CLVS1: variants seen among roughly 807,000 people sequenced by gnomAD.
The protein encoded by CLVS1 is clavesin 1.
In CLVS1, 10 loss-of-function variants were observed where a neutral mutation model predicts 33.1. That is an observed-to-expected ratio of 0.30 (90% confidence interval 0.19 to 0.51). The LOEUF (loss-of-function observed/expected upper bound fraction) is 0.51. CLVS1 is among the 20% of genes least tolerant of loss of function. CLVS1 has a pLI of 0.97. For synonymous variants in CLVS1, 163 were observed against 166.1 expected, an observed-to-expected ratio of 0.98 and a Z score of 0.14; for missense variants, 343 against 433.4, an observed-to-expected ratio of 0.79 and a Z score of 1.85.
chr8:61,338,317 A>G (rs1267659943), intron 2 of CLVS1, among the ~76,000 whole-genome samples: 4 of 152,188 alleles, frequency 2.6e-5, no homozygotes, highest in African/African-American at 9.7e-5. Context: ...CGCATTTACC[A>G]TTTCAGATAT....
chr8:61,019,336 T>C, the CLVS1 span, among the ~76,000 whole-genome samples: 2 of 152,196 alleles, frequency 1.3e-5, no homozygotes, highest in Non-Finnish European at 2.9e-5. Flanking sequence ...CCTTTGGTAA[T>C]GTTTGTGATT....
intron 2 of CLVS1, among the ~76,000 whole-genome samples, chr8:61,344,217 C>T (rs1812121737): frequency 6.6e-6 from 1 of 152,112 alleles, no homozygotes; most frequent in Admixed American, 6.6e-5. Flanking sequence ...TTGACCAAAT[C>T]AGAGCTAATA....
intron 1 of CLVS1, among the ~76,000 whole-genome samples, chr8:61,105,745 G>A (rs1165359547): frequency 6.6e-6 from 1 of 151,456 alleles, no homozygotes; most frequent in Non-Finnish European, 1.5e-5. Flanking sequence ...ATCATGTTAG[G>A]GTAGGAGGTC....
At chr8:61,024,784 A>T in the CLVS1 span, among the ~76,000 whole-genome samples, 1 of 151,934 alleles carries the variant, frequency 6.6e-6, no homozygotes, top group Non-Finnish European at 1.5e-5. Flanking sequence ...AATTAAACTA[A>T]CTTCACTGAG....
intron 3 of CLVS1, among the ~76,000 whole-genome samples, chr8:61,435,990 T>C (rs754055673): frequency 1.3e-5 from 2 of 152,242 alleles, no homozygotes; most frequent in Non-Finnish European, 2.9e-5. Flanking sequence ...TAATATTTTA[T>C]GTGTATTTTA....
chr8:61,124,301 G>A (rs552167341), intron 1 of CLVS1, among the ~76,000 whole-genome samples: 2 of 152,256 alleles, frequency 1.3e-5, no homozygotes, highest in Admixed American at 6.5e-5. Flanking sequence ...AAAAAAATAA[G>A]CAAACTACTT....
At chr8:61,063,862 C>T (rs984167672) in intron 1 of CLVS1, among the ~76,000 whole-genome samples, 9 of 152,152 alleles carry the variant, frequency 5.9e-5, no homozygotes, top group African/African-American at 2.2e-4. Flanking sequence ...GAACTCTGTA[C>T]CCATTAACCA....
intron 5 of CLVS1, among the ~76,000 whole-genome samples, chr8:61,469,845 T>C (rs1817676293): frequency 6.6e-6 from 1 of 152,214 alleles, no homozygotes; most frequent in Non-Finnish European, 1.5e-5. Flanking sequence ...TAATGAATGA[T>C]CCGCAGTCTC....
chr8:61,482,471 G>A (rs923004684), intron 5 of CLVS1, among the ~76,000 whole-genome samples: 7 of 149,430 alleles, frequency 4.7e-5, no homozygotes, highest in Admixed American at 1.3e-4. Flanking sequence ...AAGATTAGAC[G>A]AATGGCTAAC....
chr8:61,205,309 C>T (rs879673996), intron 2 of CLVS1, among the ~76,000 whole-genome samples: 26 of 152,272 alleles, frequency 1.7e-4, no homozygotes, highest in African/African-American at 2.6e-4. Context: ...ACTCCCTATT[C>T]CCCTCTCCCC....
the CLVS1 span, among the ~76,000 whole-genome samples, chr8:60,985,617 A>G: frequency 1.3e-5 from 2 of 152,356 alleles, no homozygotes; most frequent in East Asian, 3.9e-4. Flanking sequence ...CCAAGAAAAG[A>G]AAATATTTAC....
At chr8:61,030,453 AG>A in the CLVS1 span, among the ~76,000 whole-genome samples, 986 of 152,338 alleles carry the variant, frequency 6.5e-3, 6 homozygotes, top group African/African-American at 0.021. Context: ...GTTTGGTTAT[AG>A]GGAAATAAAG....
chr8:61,420,557 G>A (rs572193781), intron 3 of CLVS1, among the ~76,000 whole-genome samples: 14 of 151,908 alleles, frequency 9.2e-5, no homozygotes, highest in South Asian at 2.1e-4. Flanking sequence ...AGCCGAGATC[G>A]CACCACTGCA....
chr8:61,385,911 G>A (rs1390208198), intron 3 of CLVS1, among the ~76,000 whole-genome samples: 1 of 152,172 alleles, frequency 6.6e-6, no homozygotes, highest in Non-Finnish European at 1.5e-5. Context: ...CCCAAAAGAT[G>A]CCAGGCAATG....
At chr8:61,255,765 T>A (rs1050561411) in intron 2 of CLVS1, among the ~76,000 whole-genome samples, 3 of 152,130 alleles carry the variant, frequency 2.0e-5, no homozygotes, top group African/African-American at 7.2e-5. Flanking sequence ...TGCCATAATT[T>A]AAAAAAACTC....
intron 3 of CLVS1, among the ~76,000 whole-genome samples, chr8:61,424,681 CTCTA>C (rs375477709): frequency 1.8e-4 from 28 of 152,280 alleles, no homozygotes; most frequent in African/African-American, 5.3e-4. Context: ...TACACAGTTA[CTCTA>C]TCTTTTTGTC....
chr8:61,041,019 A>G, the CLVS1 span, among the ~76,000 whole-genome samples: 4 of 152,124 alleles, frequency 2.6e-5, no homozygotes, highest in African/African-American at 9.7e-5. Flanking sequence ...ATATGGTGAA[A>G]GGTAGGGGTT....
chr8:61,174,411 G>C lies in CLVS1; in HGVS notation c.-152+42551G>C, dbSNP rs147119652. On this transcript the variant is annotated intron_variant, in intron 2 of 2. Transcript: ENST00000522621. ...AGATCATGTCATTGTACTCCAGCCT[G>C]GGCAACAGAGTGAGACTGTCTCAAA... is the stretch of plus-strand genomic sequence containing the variant. Among the ~76,000 whole-genome samples, 422 of 151,360 alleles carry C rather than the reference G, an allele frequency of 2.8e-3. 1 individual carries two copies. Among genetic ancestry groups the C allele is most frequent in the African/African-American group, 9.4e-3 (388 of 41,122 alleles).
intron 3 of CLVS1, among the ~76,000 whole-genome samples, chr8:61,383,538 C>T (rs1164996070): frequency 6.6e-6 from 1 of 152,208 alleles, no homozygotes; most frequent in Non-Finnish European, 1.5e-5. Context: ...TTCCTCTAGG[C>T]AAACTATGTT....
Sources: gnomAD v4.1 joint callset for allele counts (sites outside exome capture counted in the v4.1 genomes callset) on GRCh38, gnomAD v4.1.1 for gene constraint, MANE v1.5 for transcripts, NCBI Gene and HGNC (gene_info 2026-07-23, HGNC 2026-07-21) for gene names.